Variants in CECR2 observed in about 807,000 individuals in gnomAD.
The protein encoded by CECR2 is CECR2 histone acetyl-lysine reader.
In CECR2, 30 loss-of-function variants were observed where a neutral mutation model predicts 154.5. That is an observed-to-expected ratio of 0.19 (90% CI 0.15 to 0.26). The LOEUF is 0.26. Among genes scored for constraint, CECR2 ranks in the 10% least tolerant of loss-of-function variants. The probability of loss-of-function intolerance (pLI) is 1.00; values close to 1 mark genes in which losing one functional copy is unlikely to be tolerated. For synonymous variants in CECR2, 725 were observed against 683.7 expected (o/e 1.06, Z -0.94); for missense variants, 1,743 against 1,829.3 (o/e 0.95, Z 0.86).
chr22:17,538,976 T>C lies in CECR2; in HGVS notation c.1369-17T>C, dbSNP rs753913562. 33 of 1,610,788 alleles carry C rather than the reference T, an allele frequency of 2.0e-5. No homozygotes were observed. The Admixed American group carries it at 5.5e-4, about 27-fold the overall frequency. On this transcript the variant is annotated splice_polypyrimidine_tract_variant and intron_variant, in intron 12 of 18. Transcript: ENST00000262608. ...CTCAGCATATTTTAACTATAAAGAG[T>C]TATGTGTCTCGTTTAGGCCCCCATG...
intron 17 of CECR2, among the ~76,000 whole-genome samples, chr22:17,549,786 T>TTG (rs2056679264): frequency 7.2e-6 from 1 of 138,680 alleles, no homozygotes; most frequent in Non-Finnish European, 1.5e-5. Flanking sequence ...ACTTTTTGGT[T>TTG]TTTTTTTTTT....
intron 1 of CECR2, among the ~76,000 whole-genome samples, chr22:17,399,746 A>G (rs1396291675): frequency 1.3e-5 from 2 of 152,180 alleles, no homozygotes; most frequent in Non-Finnish European, 2.9e-5. Flanking sequence ...GAGCACAAGT[A>G]CACTCAGATG....
intron 1 of CECR2, among the ~76,000 whole-genome samples, chr22:17,472,589 C>T (rs2055145524): frequency 6.6e-6 from 1 of 152,100 alleles, no homozygotes; most frequent in Non-Finnish European, 1.5e-5. Context: ...TAAACATTTT[C>T]CCCCTCCTTA....
At chr22:17,447,764 A>G (rs2895938) in intron 1 of CECR2, among the ~76,000 whole-genome samples, 1 of 151,864 alleles carries the variant, frequency 6.6e-6, no homozygotes, top group Non-Finnish European at 1.5e-5. Flanking sequence ...GATTGAGAAC[A>G]ATTGTTCAGA....
upstream of CECR2, among the ~76,000 whole-genome samples, chr22:17,367,421 T>C (rs992011486): frequency 2.0e-5 from 3 of 152,152 alleles, no homozygotes; most frequent in Non-Finnish European, 4.4e-5. Flanking sequence ...GTCTCACTCT[T>C]ACTGCTCAGG....
At chr22:17,411,006 A>T (rs1291760394) in intron 1 of CECR2, among the ~76,000 whole-genome samples, 1 of 152,214 alleles carries the variant, frequency 6.6e-6, no homozygotes, top group African/African-American at 2.4e-5. Context: ...GAACCGGTAG[A>T]GCCAAGCCTA....
chr22:17,538,779 C>G (rs774155732), intron 12 of CECR2, 48 bp downstream of exon 12: 2 of 1,506,828 alleles, frequency 1.3e-6, no homozygotes, highest in South Asian at 2.4e-5. Context: ...GTATATCTTT[C>G]TTGGGTTTTG....
At chr22:17,537,040 A>AG in intron 9 of CECR2, 63 bp from the exon 10 acceptor site, 1 of 1,581,766 alleles carries the variant, frequency 6.3e-7, no homozygotes, top group Non-Finnish European at 8.6e-7. Context: ...ACAGTGATGA[A>AG]GGAACACGCC....
chr22:17,390,885 C>T (rs1359131726), intron 1 of CECR2, among the ~76,000 whole-genome samples: 4 of 152,142 alleles, frequency 2.6e-5, no homozygotes, highest in Admixed American at 1.3e-4. Flanking sequence ...AAACAATGTT[C>T]AGAAAGTGAA....
At chr22:17,426,768 T>C (rs1175395066) in intron 1 of CECR2, among the ~76,000 whole-genome samples, 2 of 152,232 alleles carry the variant, frequency 1.3e-5, no homozygotes, top group Non-Finnish European at 2.9e-5. Flanking sequence ...GCTGATTTTA[T>C]CTCCATTGAA....
chr22:17,429,158 A>C (rs1200952474), intron 1 of CECR2, among the ~76,000 whole-genome samples: 1 of 152,042 alleles, frequency 6.6e-6, no homozygotes, highest in Non-Finnish European at 1.5e-5. Context: ...GAAGTGACTG[A>C]TCATGGTGGT....
intron 1 of CECR2, among the ~76,000 whole-genome samples, chr22:17,391,459 C>T (rs1480660808): frequency 6.6e-6 from 1 of 152,226 alleles, no homozygotes. Context: ...CCAGGCTTTG[C>T]CCAAGGTCTG....
chr22:17,529,270 A>G (rs1303626531), intron 9 of CECR2, among the ~76,000 whole-genome samples: 1 of 152,132 alleles, frequency 6.6e-6, no homozygotes, highest in African/African-American at 2.4e-5. Context: ...AAGCAAGCAC[A>G]GGAAGGCTGG....
upstream of CECR2, among the ~76,000 whole-genome samples, chr22:17,368,350 A>G (rs73876413): frequency 0.036 from 5,555 of 152,244 alleles, 280 homozygotes; most frequent in East Asian, 0.22. Flanking sequence ...TGGGGGACGC[A>G]CCAGGAGCAG....
At chr22:17,540,289 T>TAG (rs2056501930) in intron 13 of CECR2, 123 bp from the exon 14 acceptor site, 9 of 906,414 alleles carry the variant, frequency 9.9e-6, no homozygotes, top group Non-Finnish European at 1.4e-5. Context: ...GGTTGCATCT[T>TAG]CTATTTATTA....
chr22:17,421,906 C>T (rs1160276707), intron 1 of CECR2, among the ~76,000 whole-genome samples: 1 of 148,164 alleles, frequency 6.7e-6, no homozygotes, highest in Non-Finnish European at 1.5e-5. Context: ...CAAGGCAGGT[C>T]TACACATCTC....
chr22:17,537,858 G>A (rs62241412), intron 10 of CECR2, among the ~76,000 whole-genome samples: 8,020 of 152,112 alleles, frequency 0.053, 246 homozygotes, highest in African/African-American at 0.093. Context: ...ATTAGGTGAG[G>A]TGGCACATGC....
chr22:17,505,835 C>CTTTTTTT (rs3994825), intron 7 of CECR2, among the ~76,000 whole-genome samples: 3 of 84,552 alleles, frequency 3.5e-5, no homozygotes, highest in Admixed American at 1.6e-4. Flanking sequence ...CTGCACCCGG[C>CTTTTTTT]TTTTTTTTTT....
upstream of CECR2, chr22:17,369,439 G>GGCCCCTCC (rs1213798475): frequency 6.7e-6 from 1 of 149,450 alleles, no homozygotes; most frequent in Non-Finnish European, 1.5e-5. Context: ...CCCCGCGTCC[G>GGCCCCTCC]GCCCCTCCGC....
Sources: gnomAD v4.1 joint callset for allele counts (sites outside exome capture counted in the v4.1 genomes callset) on GRCh38, gnomAD v4.1.1 for gene constraint, MANE v1.5 for transcripts, NCBI Gene and HGNC (gene_info 2026-07-23, HGNC 2026-07-21) for gene names.